Variants in FBXO38 observed in about 807,000 individuals in gnomAD.
FBXO38 encodes F-box protein 38.
Under a neutral mutation model 131.9 loss-of-function variants are expected in FBXO38, and 53 were observed. The observed-to-expected ratio is 0.40, with a 90% confidence interval of 0.32 to 0.51. The LOEUF is 0.51. Ranked by LOEUF, FBXO38 falls within the 20% of genes least tolerant of loss-of-function variation. FBXO38 has a pLI of 0.53. For synonymous variants in FBXO38, 452 were observed against 505.6 expected (o/e 0.89, Z 1.42); for missense variants, 1,076 against 1,475.6 (o/e 0.73, Z 4.44).
intron 12 of FBXO38, 35 bp from the exon 13 acceptor site, chr5:148,423,963 T>C: frequency 1.9e-6 from 3 of 1,595,040 alleles, no homozygotes; most frequent in South Asian, 1.1e-5. Flanking sequence ...TTTATACTTC[T>C]TTTGGTTTTT....
chr5:148,396,718 C>A (rs1758499744), intron 2 of FBXO38, among the ~76,000 whole-genome samples: 1 of 152,130 alleles, frequency 6.6e-6, no homozygotes, highest in African/African-American at 2.4e-5. Context: ...ACCTTGAACT[C>A]CTGGGCTTAA....
intron 12 of FBXO38, 67 bp from the exon 13 acceptor site, chr5:148,423,931 G>GTT: frequency 6.7e-7 from 1 of 1,503,094 alleles, no homozygotes; most frequent in Non-Finnish European, 9.0e-7. Context: ...GGCGGCCACA[G>GTT]TTTTGCCTGC....
At chr5:148,441,284 C>A in intron 21 of FBXO38, 47 bp downstream of exon 21, 1 of 1,329,674 alleles carries the variant, frequency 7.5e-7, no homozygotes, top group Non-Finnish European at 1.1e-6. Context: ...TAAGTATAGC[C>A]TACTGTGTTA....
At chr5:148,432,624 C>T (rs535397297) in intron 15 of FBXO38, among the ~76,000 whole-genome samples, 7 of 152,282 alleles carry the variant, frequency 4.6e-5, no homozygotes, top group East Asian at 1.9e-4. Flanking sequence ...ACACAGTAAG[C>T]GCTCAGTAAA....
intron 1 of FBXO38, among the ~76,000 whole-genome samples, chr5:148,393,039 A>G (rs1758281724): frequency 6.6e-6 from 1 of 152,092 alleles, no homozygotes; most frequent in Non-Finnish European, 1.5e-5. Context: ...GAGGCCTCTT[A>G]GCCAAAATGT....
chr5:148,410,710 G>A lies in FBXO38; in HGVS notation c.1038G>A (p.Glu346=). 6.2e-7 allele frequency: 1 copy of A among 1,614,024 alleles called. No individual in the cohort carries two copies. The highest frequency in any genetic ancestry group is 8.5e-7 in the Non-Finnish European group (1 of 1,179,948). Residue 346 remains glutamate, a synonymous_variant, in exon 9 of 22, where the codon GAG becomes GAA. Coordinates refer to ENST00000340253, the MANE Select transcript of FBXO38 (RefSeq NM_205836.3). Reference sequence around the variant, plus strand: ...CTGCCCTAAAGATGGCAGAGTTGGAGTTTCCCCAGTTTGAAACCCTTCATC... The same window carrying A: ...CTGCCCTAAAGATGGCAGAGTTGGAATTTCCCCAGTTTGAAACCCTTCATC... ...VFSALKMAEL[E]FPQFETLHLG... is the part of the protein sequence containing the mutation.
chr5:148,441,573 T>C (rs574370547), intron 21 of FBXO38: 2 of 211,256 alleles, frequency 9.5e-6, no homozygotes, highest in South Asian at 1.5e-4. Flanking sequence ...CTGCTAGTTA[T>C]GAGCTGCTTA....
At chr5:148,426,239 CTTCCCTTTGG>C (rs1753708690) in intron 14 of FBXO38, among the ~76,000 whole-genome samples, 1 of 152,230 alleles carries the variant, frequency 6.6e-6, no homozygotes, top group East Asian at 1.9e-4. Context: ...CTTGTCTTTC[CTTCCCTTTGG>C]TTTCGCAGAA....
chr5:148,441,045 A>G (rs1352668714), intron 20 of FBXO38, 79 bp from the exon 21 acceptor site: 9 of 911,588 alleles, frequency 9.9e-6, no homozygotes, highest in Middle Eastern at 2.1e-4. Context: ...TATATTTTAC[A>G]TTCTGCTTAC....
intron 1 of FBXO38, among the ~76,000 whole-genome samples, chr5:148,388,616 A>T (rs1758038636): frequency 6.6e-6 from 1 of 152,130 alleles, no homozygotes; most frequent in African/African-American, 2.4e-5. Context: ...AAACTCATGA[A>T]CCACCCTCTG....
At chr5:148,403,809 T>G (rs1475643957) in intron 5 of FBXO38, among the ~76,000 whole-genome samples, 1 of 152,224 alleles carries the variant, frequency 6.6e-6, no homozygotes, top group Non-Finnish European at 1.5e-5. Flanking sequence ...GCAGAGCTCC[T>G]ATTGTCTCAA....
At chr5:148,384,275 A>G (rs529497143) in intron 1 of FBXO38, among the ~76,000 whole-genome samples, 1 of 152,208 alleles carries the variant, frequency 6.6e-6, no homozygotes, top group African/African-American at 2.4e-5. Context: ...TGGCCCCAAA[A>G]TCCAGCATAA....
chr5:148,415,135 C>A (rs1443510663), intron 10 of FBXO38, among the ~76,000 whole-genome samples: 3 of 152,064 alleles, frequency 2.0e-5, no homozygotes, highest in African/African-American at 7.2e-5. Flanking sequence ...CCCTGCTGAA[C>A]CAAGAAGTTA....
At chr5:148,410,084 AG>A (rs1752660318) in intron 8 of FBXO38, among the ~76,000 whole-genome samples, 1 of 152,202 alleles carries the variant, frequency 6.6e-6, no homozygotes, top group South Asian at 2.1e-4. Context: ...ACTCCTTTGA[AG>A]AAAATATTTT....
chr5:148,409,994 T>C (rs1006492540), intron 8 of FBXO38, among the ~76,000 whole-genome samples: 2 of 152,234 alleles, frequency 1.3e-5, no homozygotes, highest in Non-Finnish European at 2.9e-5. Context: ...TGAAAGGATA[T>C]AAGATTCTTA....
chr5:148,437,722 C>G (rs754920836), intron 17 of FBXO38, among the ~76,000 whole-genome samples: 1 of 151,982 alleles, frequency 6.6e-6, no homozygotes, highest in African/African-American at 2.4e-5. Context: ...TTACTTTTTT[C>G]TGACTTCATG....
At chr5:148,397,479 T>G (rs1758543194) in intron 2 of FBXO38, 1 of 152,158 alleles carries the variant, frequency 6.6e-6, no homozygotes, top group Admixed American at 6.5e-5. Flanking sequence ...GAAAGCAAAT[T>G]TAATGTTTTT....
In FBXO38 at chr5:148,440,592, C is replaced by T. The variant is rs535271238; in HGVS notation, c.3274+65C>T. ...GCAGTACTTACCTCTGTAATCCCAGCGACTCAGGAGGCTGAGGTGGGAGGA... is the reference window on the plus strand; with the variant it reads ...GCAGTACTTACCTCTGTAATCCCAGTGACTCAGGAGGCTGAGGTGGGAGGA... On this transcript the variant is annotated intron_variant, in intron 20 of 21. Transcript: ENST00000340253. 2.2e-4 allele frequency: 217 copies of T among 969,526 alleles called. 1 individual carries two copies. The African/African-American group carries it at 2.9e-3, about 13-fold the overall frequency. The allele number at this position is 969,526 out of a possible 1,614,324, so 60.1% of individuals were successfully genotyped here. A position where few individuals can be genotyped will look rare whatever the true frequency, so the allele number is the denominator to read the frequency against.
rs181266862 is a variant in FBXO38 at position 148,396,824 on chromosome 5, C to T, written c.128+1920C>T. 2.2e-3 allele frequency among the ~76,000 whole-genome samples: 342 copies of T among 152,138 alleles called. 3 individuals are homozygous for T. Among genetic ancestry groups the T allele is most frequent in the African/African-American group, 7.8e-3 (324 of 41,504 alleles). The stretch of plus-strand genomic sequence containing the variant: ...ATCTTGATTTGTTGGCTAGATTGGT[C>T]TTAACTTCTGGCCTCAAGCAATCCT... On this transcript the variant is annotated intron_variant, in intron 2 of 21. Coordinates refer to ENST00000340253, the MANE Select transcript of FBXO38 (RefSeq NM_205836.3).
Sources: allele counts gnomAD v4.1 joint callset (sites outside exome capture counted in the v4.1 genomes callset), GRCh38; gene constraint gnomAD v4.1.1; transcripts MANE v1.5; gene names NCBI Gene and HGNC (gene_info 2026-07-23, HGNC 2026-07-21).